VMP1: variants seen among roughly 807,000 people sequenced by gnomAD.
VMP1 encodes vacuole membrane protein 1.
Under a neutral mutation model 56.0 loss-of-function variants are expected in VMP1, and 11 were observed. That is an observed-to-expected ratio of 0.20 (90% CI 0.12 to 0.32). The LOEUF is 0.32. VMP1 is among the 10% of genes least tolerant of loss of function. The pLI is 1.00. For missense variants in VMP1, 296 were observed against 490.3 expected (o/e 0.60, Z 3.74); for synonymous variants, 149 against 165.0 (o/e 0.90, Z 0.74).
At chr17:59,808,622 T>C (rs1458873360) in intron 7 of VMP1, among the ~76,000 whole-genome samples, 174 bp from the exon 8 acceptor site, 2 of 152,246 alleles carry the variant, frequency 1.3e-5, no homozygotes, top group Non-Finnish European at 2.9e-5. Context: ...AAGGATGTAA[T>C]AGTCTATCAT....
At chr17:59,750,050 AT>A (rs1248307347) in intron 5 of VMP1, among the ~76,000 whole-genome samples, 2 of 152,232 alleles carry the variant, frequency 1.3e-5, no homozygotes, top group African/African-American at 4.8e-5. Flanking sequence ...GAGAGATAAA[AT>A]AATTCGACTT....
At chr17:59,743,517 A>G (rs1036013491) in intron 5 of VMP1, among the ~76,000 whole-genome samples, 5 of 151,506 alleles carry the variant, frequency 3.3e-5, no homozygotes, top group African/African-American at 7.3e-5. Flanking sequence ...TTACTGAAGG[A>G]TATCTTGTTT....
intron 9 of VMP1, among the ~76,000 whole-genome samples, chr17:59,813,563 G>A (rs1276070469): frequency 1.5e-5 from 2 of 137,420 alleles, no homozygotes; most frequent in Non-Finnish European, 3.1e-5. Flanking sequence ...GGCAACAAGA[G>A]TTTGTCTCAA....
chr17:59,830,068 T>C (rs1415723294), intron 10 of VMP1, among the ~76,000 whole-genome samples: 1 of 152,172 alleles, frequency 6.6e-6, no homozygotes, highest in Admixed American at 6.5e-5. Flanking sequence ...AATTAAATTT[T>C]ATAACTCTGG....
In VMP1 at chr17:59,779,918, G is replaced by C. The variant is rs142349435; in HGVS notation, c.714+6033G>C. Among the ~76,000 whole-genome samples, 397 of 152,238 alleles carry C rather than the reference G, an allele frequency of 2.6e-3. 4 individuals carry two copies. The highest frequency in any genetic ancestry group is 0.019 in the South Asian group (94 of 4,832). On this transcript the variant is annotated intron_variant, in intron 7 of 11. Transcript: ENST00000262291. ...CAGTTCCTAAAACTAAGATCTTCTAGAATTTGATGAAGAATTCTTTATTTT... is the reference window on the plus strand; with the variant it reads ...CAGTTCCTAAAACTAAGATCTTCTACAATTTGATGAAGAATTCTTTATTTT...
intron 1 of VMP1, among the ~76,000 whole-genome samples, chr17:59,722,298 G>A (rs1328121382): frequency 1.2e-4 from 18 of 152,288 alleles, no homozygotes; most frequent in African/African-American, 3.6e-4. Context: ...GATCAAAGCC[G>A]TTGGTAATCA....
Position 59,840,829 on chromosome 17 carries a change from GA to G in VMP1, c.*921del. The G allele has an allele frequency of 6.6e-6, 1 of 152,622 alleles. No homozygotes were observed. The highest frequency in any genetic ancestry group is 1.9e-4 in the East Asian group (1 of 5,186). 9.5% of individuals were successfully genotyped at this position (152,622 alleles called of 1,614,324 possible). A position where few individuals can be genotyped will look rare whatever the true frequency, so the allele number is the denominator to read the frequency against. On this transcript the variant is annotated 3_prime_UTR_variant, in exon 12 of 12. Transcript: ENST00000262291. ...CTTGGTTTGTGAAAACAGGAGAGGA[GA>G]AATATCTCATACAAGTGAAAGGATA...
At chr17:59,763,019 C>T (rs887577505) in intron 5 of VMP1, among the ~76,000 whole-genome samples, 1 of 152,098 alleles carries the variant, frequency 6.6e-6, no homozygotes, top group African/African-American at 2.4e-5. Context: ...TGTAGACTAC[C>T]TGTAGCCAAA....
chr17:59,837,512 A>G (rs866284556), intron 10 of VMP1: 3 of 152,184 alleles, frequency 2.0e-5, no homozygotes, highest in Non-Finnish European at 4.4e-5. Flanking sequence ...TCTGGGTAAG[A>G]AGGAGCTCCG....
intron 7 of VMP1, among the ~76,000 whole-genome samples, chr17:59,805,001 A>C (rs776114274): frequency 6.6e-6 from 1 of 152,208 alleles, no homozygotes; most frequent in Non-Finnish European, 1.5e-5. Context: ...ACATAATAAA[A>C]TTTGTGAAAT....
At chr17:59,711,644 GC>G (rs1344301425) in intron 1 of VMP1, among the ~76,000 whole-genome samples, 3 of 152,056 alleles carry the variant, frequency 2.0e-5, no homozygotes, top group African/African-American at 7.2e-5. Flanking sequence ...CTTATATAAA[GC>G]TTATTTTAAA....
At chr17:59,743,127 T>C (rs1182180339) in intron 5 of VMP1, among the ~76,000 whole-genome samples, 1 of 152,172 alleles carries the variant, frequency 6.6e-6, no homozygotes, top group Non-Finnish European at 1.5e-5. Flanking sequence ...ACCCATAGTT[T>C]ATGGGATCTA....
intron 7 of VMP1, among the ~76,000 whole-genome samples, chr17:59,779,325 C>T (rs1406045923): frequency 1.3e-5 from 2 of 152,176 alleles, no homozygotes; most frequent in Non-Finnish European, 2.9e-5. Context: ...TCACTTTTGT[C>T]TAGAGACTAT....
chr17:59,744,069 G>A (rs8067354), intron 5 of VMP1, among the ~76,000 whole-genome samples: 65,875 of 150,772 alleles, frequency 0.44, 16,513 homozygotes, highest in African/African-American at 0.69. Context: ...GTACCCCTCT[G>A]TGCCAAATTT....
intron 5 of VMP1, among the ~76,000 whole-genome samples, chr17:59,758,649 AC>A (rs1406993800): frequency 1.3e-5 from 2 of 149,414 alleles, no homozygotes; most frequent in African/African-American, 5.0e-5. Context: ...ACATAGGGGG[AC>A]CCATCTCTAA....
intron 1 of VMP1, among the ~76,000 whole-genome samples, chr17:59,730,428 G>C (rs1262716562): frequency 2.0e-5 from 3 of 151,996 alleles, no homozygotes; most frequent in Non-Finnish European, 4.4e-5. Flanking sequence ...ATCACTCCTG[G>C]CTAATTTATT....
intron 1 of VMP1, among the ~76,000 whole-genome samples, chr17:59,724,165 T>C (rs921324204): frequency 3.7e-4 from 55 of 149,560 alleles, no homozygotes; most frequent in Non-Finnish European, 5.9e-4. Context: ...TAAGCCATGA[T>C]TGCACCACTG....
chr17:59,809,538 G>A (rs1259082460), intron 8 of VMP1, among the ~76,000 whole-genome samples: 8 of 95,638 alleles, frequency 8.4e-5, no homozygotes, highest in Non-Finnish European at 9.2e-5. Context: ...ACGGAGTCTC[G>A]CTCTGTCGCC....
rs556002609 is a variant in VMP1 at position 59,789,528 on chromosome 17, C to CA, written c.714+15654dup. The stretch of plus-strand genomic sequence containing the variant: ...CCAGCGTGGGTGACAAAGCAAGTCT[C>CA]AAAAAAAAAAAGGCCCTGTATTGAA... On this transcript the variant is annotated intron_variant, in intron 7 of 11. Transcript: ENST00000262291. Among the ~76,000 whole-genome samples the CA allele has an allele frequency of 1.9e-3, 264 of 136,088 alleles. 1 individual carries two copies. The highest frequency in any genetic ancestry group is 3.6e-3 in the African/African-American group (134 of 37,118). The allele number at this position is 136,088 out of a possible 152,430, so 89.3% of individuals were successfully genotyped here.
Sources: allele counts gnomAD v4.1 joint callset (sites outside exome capture counted in the v4.1 genomes callset), GRCh38; gene constraint gnomAD v4.1.1; transcripts MANE v1.5; gene names NCBI Gene and HGNC (gene_info 2026-07-23, HGNC 2026-07-21).